The following SCN2B variants were observed in gnomAD, a reference collection of about 807,000 sequenced individuals.
SCN2B encodes sodium voltage-gated channel beta subunit 2, also known as sodium channel regulatory subunit beta-2.
SCN2B carries 14 observed loss-of-function variants against 18.2 expected under a neutral mutation model. That is an observed-to-expected ratio of 0.77 (90% CI 0.51 to 1.21). The LOEUF (loss-of-function observed/expected upper bound fraction) is 1.21, where lower values mean the gene tolerates loss of function less well. Ranked by LOEUF, SCN2B falls within the 50% of genes most tolerant of loss-of-function variation. SCN2B has a pLI of 0.00. For missense variants in SCN2B, 262 were observed against 286.9 expected (o/e 0.91, Z 0.63); for synonymous variants, 115 against 115.3 (o/e 1.00, Z 0.02).
chr11:118,170,799 G>C (rs1414673290), intron 1 of SCN2B, among the ~76,000 whole-genome samples: 1 of 152,170 alleles, frequency 6.6e-6, no homozygotes, highest in African/African-American at 2.4e-5. Context: ...GCAAATGGTA[G>C]CTGCTATTAT....
At chr11:118,172,280 A>C (rs1372055474) in intron 1 of SCN2B, among the ~76,000 whole-genome samples, 1 of 152,262 alleles carries the variant, frequency 6.6e-6, no homozygotes, top group African/African-American at 2.4e-5. Context: ...ACATCACCTC[A>C]TTTAATACTA....
chr11:118,173,559 G>C lies in SCN2B; in HGVS notation c.70+2803C>G, dbSNP rs550532888. Among the ~76,000 whole-genome samples the C allele has an allele frequency of 2.0e-5, 3 of 152,342 alleles. No homozygotes were observed. In the East Asian group the frequency reaches 5.8e-4, roughly 29 times the overall value. On this transcript the variant is annotated intron_variant, in intron 1 of 3. Transcript: ENST00000278947. Reference sequence around the variant, plus strand: ...ACAATAAGCCCAACTTCATAGGGCTGTCGAAGGATTAAATGACTTACTACC... The same window carrying C: ...ACAATAAGCCCAACTTCATAGGGCTCTCGAAGGATTAAATGACTTACTACC...
At position 118,168,209 on chromosome 11, in the gene SCN2B, G is replaced by A. The variant is rs981151593; in HGVS notation, c.324C>T (p.Tyr108=). 13 of 1,613,998 alleles carry A rather than the reference G, an allele frequency of 8.1e-6. No homozygotes were observed. Among genetic ancestry groups the A allele is most frequent in the Admixed American group, 3.3e-5 (2 of 60,000 alleles). Residue 108 remains tyrosine, a synonymous_variant, in exon 3 of 4, where the codon TAC becomes TAT. Transcript: ENST00000278947. This position sits in a 1 kb window ranked among gnomAD's most constrained non-coding sequence, Gnocchi z 4.7. Reference sequence around the variant, plus strand: ...CGTTTCTCAGCATCACCGACACATCGTACTTGCTGGGGTTCCCTGAGAACT... The same window carrying A: ...CGTTTCTCAGCATCACCGACACATCATACTTGCTGGGGTTCCCTGAGAACT... ...RVEFSGNPSK[Y]DVSVMLRNVQ...
At chr11:118,170,742 G>A (rs190620815) in intron 1 of SCN2B, among the ~76,000 whole-genome samples, 30 of 152,290 alleles carry the variant, frequency 2.0e-4, no homozygotes, top group Admixed American at 1.7e-3. Flanking sequence ...TGGTGACACC[G>A]ATCTCCCAGG....
chr11:118,168,767 CA>C lies in SCN2B; in HGVS notation c.71-17del, dbSNP rs1460754356. On this transcript the variant is annotated splice_polypyrimidine_tract_variant and intron_variant, in intron 1 of 3. Transcript: ENST00000278947. The surrounding 1 kb of genome is among the most constrained non-coding windows in gnomAD (Gnocchi z 4.7). ...CCTGGTGGCACTGCAGATGAAGCCA[CA>C]AGCTGGTGAGGAGTCTGGCTGAAAG... 1.2e-6 allele frequency: 2 copies of C among 1,614,042 alleles called. No homozygotes were observed. Among genetic ancestry groups the C allele is most frequent in the African/African-American group, 2.7e-5 (2 of 75,036 alleles).
intron 1 of SCN2B, among the ~76,000 whole-genome samples, chr11:118,175,250 G>A (rs562570238): frequency 2.0e-5 from 3 of 152,232 alleles, no homozygotes; most frequent in Non-Finnish European, 4.4e-5. Flanking sequence ...GCTCAGAGGG[G>A]TTGAGTAACT....
intron 1 of SCN2B, among the ~76,000 whole-genome samples, chr11:118,176,048 A>G (rs886799579): frequency 6.6e-6 from 1 of 152,190 alleles, no homozygotes; most frequent in Non-Finnish European, 1.5e-5. Flanking sequence ...CCCTGAAGAG[A>G]CTGCAGGTCA....
Position 118,167,074 on chromosome 11 carries a change from C to G in SCN2B, c.461G>C (p.Arg154Pro), listed in dbSNP as rs753389706. Residue 154 changes from arginine (R) to proline (P), a missense_variant, in exon 4 of 4, where the codon CGG becomes CCG. Arg to Pro is a moderately radical substitution (Grantham distance 103). Transcript: ENST00000278947. ...LQVLMEEPPE[R>P]DSTVAVIVGA... ...CACAATCACGGCCACCGTGGAGTCC[C>G]GCTCAGGGGGCTCTGGAAAGGAAGC... 1 of 1,612,258 alleles carries G rather than the reference C, an allele frequency of 6.2e-7. No individual in the cohort carries two copies. Among genetic ancestry groups the G allele is most frequent in the Non-Finnish European group, 8.5e-7 (1 of 1,179,970 alleles).
intron 1 of SCN2B, among the ~76,000 whole-genome samples, chr11:118,170,550 T>C (rs553786051): frequency 6.6e-6 from 1 of 151,408 alleles, no homozygotes; most frequent in Admixed American, 6.6e-5. Flanking sequence ...CTCTTTGGAG[T>C]GTGATAGGAG....
intron 1 of SCN2B, among the ~76,000 whole-genome samples, chr11:118,173,759 A>G (rs1948446989): frequency 6.6e-6 from 1 of 152,180 alleles, no homozygotes; most frequent in Non-Finnish European, 1.5e-5. Flanking sequence ...TCATCTTGGT[A>G]TCCCTGGCAC....
intron 3 of SCN2B, 66 bp from the exon 4 acceptor site, chr11:118,167,152 C>A: frequency 6.6e-7 from 1 of 1,515,352 alleles, no homozygotes; most frequent in Non-Finnish European, 9.0e-7. Flanking sequence ...CACCCCACTA[C>A]CCGTGGCATG....
intron 1 of SCN2B, among the ~76,000 whole-genome samples, chr11:118,171,722 C>A (rs1373969631): frequency 6.6e-6 from 1 of 152,164 alleles, no homozygotes; most frequent in Non-Finnish European, 1.5e-5. Flanking sequence ...ACGGGGGCAG[C>A]CGGAGAGGTG....
Position 118,171,464 on chromosome 11 carries a change from T to A in SCN2B, c.71-2713A>T, listed in dbSNP as rs1192857163. 2.6e-5 allele frequency among the ~76,000 whole-genome samples: 4 copies of A among 152,196 alleles called. No individual in the cohort carries two copies. The East Asian group carries it at 7.7e-4, about 29-fold the overall frequency. The stretch of plus-strand genomic sequence containing the variant: ...GTGCTTGTCCTGAGCTTACCTCCCA[T>A]CCCAGGAATGTCCTATCCCTCTAGC... On this transcript the variant is annotated intron_variant, in intron 1 of 3. Coordinates refer to ENST00000278947, the MANE Select transcript of SCN2B (RefSeq NM_004588.5).
chr11:118,171,067 G>A (rs1359565068), intron 1 of SCN2B, among the ~76,000 whole-genome samples: 1 of 152,156 alleles, frequency 6.6e-6, no homozygotes, highest in Non-Finnish European at 1.5e-5. Context: ...CCTGGCCCGA[G>A]TGACCAGGGC....
rs1162918445 is a variant in SCN2B, at chr11:118,174,091, C to CT, written c.70+2270dup. Among the ~76,000 whole-genome samples, 427 of 66,646 alleles carry CT rather than the reference C, an allele frequency of 6.4e-3. 31 individuals carry two copies. The highest frequency in any genetic ancestry group is 9.8e-3 in the South Asian group (13 of 1,328). The allele number at this position is 66,646 out of a possible 152,430, so 43.7% of individuals were successfully genotyped here. A position where few individuals can be genotyped will look rare whatever the true frequency, so the allele number is the denominator to read the frequency against. On this transcript the variant is annotated intron_variant, in intron 1 of 3. Coordinates refer to ENST00000278947, the MANE Select transcript of SCN2B (RefSeq NM_004588.5). ...ACCATGCCTGGCTTATTTTTCTTTT[C>CT]TTTTTTTTTTTTTTTTTTTTTTTTT...
Position 118,166,134 on chromosome 11 carries a change from G to A in SCN2B, c.*753C>T, listed in dbSNP as rs1948380167. The A allele has an allele frequency of 6.5e-6, 1 of 153,000 alleles. No homozygotes were observed. The highest frequency in any genetic ancestry group is 2.1e-4 in the South Asian group (1 of 4,848). 9.5% of individuals were successfully genotyped at this position (153,000 alleles called of 1,614,324 possible). Reference sequence around the variant, plus strand: ...TCAGCTGACTTTGAAACTGGCCTCTGTTGGTGGGTCCCCGCTGGGAAACAT... The same window carrying A: ...TCAGCTGACTTTGAAACTGGCCTCTATTGGTGGGTCCCCGCTGGGAAACAT... On this transcript the variant is annotated 3_prime_UTR_variant, in exon 4 of 4. Transcript: ENST00000278947.
In SCN2B at chr11:118,166,702, G is replaced by C; in HGVS notation, c.*185C>G. On this transcript the variant is annotated 3_prime_UTR_variant, in exon 4 of 4. Transcript: ENST00000278947. ...GTCCCAGAGCATGGCAGGTTTCTCG[G>C]ATGGAAGAGAGTGGGTCACTCTTGG... The C allele has an allele frequency of 7.4e-6, 5 of 678,856 alleles. No individual in the cohort carries two copies. Among genetic ancestry groups the C allele is most frequent in the Non-Finnish European group, 1.3e-5 (5 of 389,282 alleles). The allele number at this position is 678,856 out of a possible 1,614,324, so 42.1% of individuals were successfully genotyped here.
chr11:118,176,164 C>A lies in SCN2B; in HGVS notation c.70+198G>T, dbSNP rs931066040. Among the ~76,000 whole-genome samples, 27 of 152,330 alleles carry A rather than the reference C, an allele frequency of 1.8e-4. 1 individual carries two copies. The highest frequency in any genetic ancestry group is 1.9e-4 in the East Asian group (1 of 5,190). On this transcript the variant is annotated intron_variant, in intron 1 of 3. Coordinates refer to ENST00000278947, the MANE Select transcript of SCN2B (RefSeq NM_004588.5). The stretch of plus-strand genomic sequence containing the variant: ...CCCCAGCAACACTCAGATCCCCTGA[C>A]CCAACATTTCTGTGACTAAGTAGTC...
chr11:118,167,102 A>G lies in SCN2B; in HGVS notation c.449-16T>C, dbSNP rs781469502. ...TCAGGGGGCTCTGGAAAGGAAGCAG[A>G]GCCACTGAGCACCAGGGCTGGGAAA... is the stretch of plus-strand genomic sequence containing the variant. On this transcript the variant is annotated splice_polypyrimidine_tract_variant and intron_variant, in intron 3 of 3. Transcript: ENST00000278947. 1.9e-6 allele frequency: 3 copies of G among 1,606,854 alleles called. No individual in the cohort carries two copies. Among genetic ancestry groups the G allele is most frequent in the Non-Finnish European group, 2.5e-6 (3 of 1,179,268 alleles).
Sources: allele counts gnomAD v4.1 joint callset (sites outside exome capture counted in the v4.1 genomes callset), GRCh38; gene constraint gnomAD v4.1.1; non-coding constraint Gnocchi (gnomAD v3.1); transcripts MANE v1.5; gene names NCBI Gene and HGNC (gene_info 2026-07-23, HGNC 2026-07-21).